TIAM1: variants seen among roughly 807,000 people sequenced by gnomAD.
TIAM1 encodes TIAM Rac1 associated GEF 1, also known as rho guanine nucleotide exchange factor TIAM1.
In TIAM1, 65 loss-of-function variants were observed where a neutral mutation model predicts 163.5. The ratio of observed to expected loss-of-function variants is 0.40; its 90% CI spans 0.33 to 0.49. The LOEUF (loss-of-function observed/expected upper bound fraction) is 0.49, where lower values mean the gene tolerates loss of function less well. TIAM1 is among the 20% of genes least tolerant of loss of function. The probability of loss-of-function intolerance (pLI) is 0.77; values close to 1 mark genes in which losing one functional copy is unlikely to be tolerated. For missense variants in TIAM1, 1,789 were observed against 2,044.7 expected (o/e 0.87, Z 2.41); for synonymous variants, 833 against 810.1 (o/e 1.03, Z -0.48).
chr21:31,524,174 A>G (rs955550589), intron 1 of TIAM1, among the ~76,000 whole-genome samples: 1 of 152,290 alleles, frequency 6.6e-6, no homozygotes. Context: ...GGTAATTTAT[A>G]TAGAAAAGAG....
intron 16 of TIAM1, among the ~76,000 whole-genome samples, 178 bp from the exon 17 acceptor site, chr21:31,154,604 C>T (rs2083532836): frequency 6.6e-6 from 1 of 152,190 alleles, no homozygotes; most frequent in African/African-American, 2.4e-5. Flanking sequence ...TCATAACAAC[C>T]AGGATAACAA....
intron 1 of TIAM1, among the ~76,000 whole-genome samples, chr21:31,523,520 G>A (rs948881775): frequency 1.3e-5 from 2 of 152,144 alleles, no homozygotes; most frequent in Non-Finnish European, 2.9e-5. Context: ...AGACATCAGG[G>A]ATACAGCCTG....
At chr21:31,363,354 T>G (rs2076439227) in intron 2 of TIAM1, among the ~76,000 whole-genome samples, 2 of 152,128 alleles carry the variant, frequency 1.3e-5, no homozygotes, top group African/African-American at 2.4e-5. Flanking sequence ...ACTTTGGCCC[T>G]AAATCAACTT....
At chr21:31,452,837 G>A (rs1052913549) in intron 2 of TIAM1, 49 of 527,332 alleles carry the variant, frequency 9.3e-5, no homozygotes, top group African/African-American at 7.2e-4. Flanking sequence ...ATGACCCTAC[G>A]ATAGTCAAAG....
intron 2 of TIAM1, among the ~76,000 whole-genome samples, chr21:31,426,770 T>C (rs1291926580): frequency 6.6e-6 from 1 of 151,884 alleles, no homozygotes; most frequent in Non-Finnish European, 1.5e-5. Context: ...AGAAAAGTCA[T>C]CAGAACAGCA....
intron 10 of TIAM1, 170 bp downstream of exon 10, chr21:31,213,228 T>C: frequency 1.7e-6 from 1 of 572,678 alleles, no homozygotes; most frequent in Non-Finnish European, 3.0e-6. Context: ...CAGTTTTAAA[T>C]ATAAAATGAT....
Position 31,252,121 on chromosome 21 carries a change from G to T in TIAM1, c.1032C>A (p.Asp344Glu). 6.2e-7 allele frequency: 1 copy of T among 1,612,988 alleles called. No individual in the cohort carries two copies. Among genetic ancestry groups the T allele is most frequent in the South Asian group, 1.1e-5 (1 of 91,092 alleles). The change falls in exon 5 of 28, where the codon GAC becomes GAA. Residue 344 changes from aspartate (D) to glutamate (E), a missense_variant. By Grantham distance (45) the Asp-to-Glu change is conservative. This residue lies in a region of TIAM1 where 555 missense variants were observed against 564.9 expected (regional missense o/e 0.98). Coordinates refer to ENST00000541036, the MANE Select transcript of TIAM1 (RefSeq NM_001353694.2). The part of the protein sequence containing the change: ...SGIEGATTDT[D>E]LLSRRSNATN... The stretch of plus-strand genomic sequence containing the variant: ...TGGCATTAGATCGCCTGGACAGGAG[G>T]TCCGTGTCGGTAGTGGCCCCTTCAA...
At chr21:31,315,679 C>CAAAAAAAAAAAAAAAAAAAAAAAAAA (rs58560437) in intron 2 of TIAM1, among the ~76,000 whole-genome samples, 11 of 80,248 alleles carry the variant, frequency 1.4e-4, no homozygotes, top group African/African-American at 4.0e-4. Context: ...AACTCCATCT[C>CAAAAAAAAAAAAAAAAAAAAAAAAAA]AAAAAAAAAA....
intron 11 of TIAM1, among the ~76,000 whole-genome samples, chr21:31,203,637 ACAG>A (rs1031815058): frequency 1.3e-5 from 2 of 151,744 alleles, no homozygotes; most frequent in Non-Finnish European, 2.9e-5. Context: ...TCAACACAAC[ACAG>A]CAGATCAAAA....
At chr21:31,305,755 G>T (rs1395869684) in intron 2 of TIAM1, among the ~76,000 whole-genome samples, 2 of 152,128 alleles carry the variant, frequency 1.3e-5, no homozygotes, top group Non-Finnish European at 2.9e-5. Flanking sequence ...TTCTAAACAG[G>T]CCTCATTTTT....
At chr21:31,126,793 A>AT (rs890651614) in intron 26 of TIAM1, among the ~76,000 whole-genome samples, 3 of 152,110 alleles carry the variant, frequency 2.0e-5, no homozygotes, top group African/African-American at 7.2e-5. Context: ...ACAACAAGAA[A>AT]TAAGTAGAAG....
rs137917435 is a variant in TIAM1 at position 31,408,937 on chromosome 21, A to T, written c.-369+55046T>A. ...CTTCCAGGTGGCTGTGATGCAACACACTTTGAGTGCCACCGCTCTCAGCCA... is the reference window on the plus strand; with the variant it reads ...CTTCCAGGTGGCTGTGATGCAACACTCTTTGAGTGCCACCGCTCTCAGCCA... On this transcript the variant is annotated intron_variant, in intron 2 of 28. Coordinates refer to the TIAM1 transcript ENST00000286827. Among the ~76,000 whole-genome samples the T allele has an allele frequency of 3.8e-3, 578 of 152,132 alleles. 5 individuals carry two copies. Among genetic ancestry groups the T allele is most frequent in the African/African-American group, 0.013 (551 of 41,504 alleles).
chr21:31,118,823 C>T lies in TIAM1; in HGVS notation c.*1545G>A, dbSNP rs751978895. 2 of 353,482 alleles carry T rather than the reference C, an allele frequency of 5.7e-6. No individual in the cohort carries two copies. The highest frequency in any genetic ancestry group is 1.1e-5 in the Non-Finnish European group (2 of 180,172). 21.9% of individuals were successfully genotyped at this position (353,482 alleles called of 1,614,324 possible). A position where few individuals can be genotyped will look rare whatever the true frequency, so the allele number is the denominator to read the frequency against. Reference sequence around the variant, plus strand: ...GATCAAGCTCGAAGCCCTGGAAACCCGAAAGGCGGGGGGAATACAGGGTGG... The same window carrying T: ...GATCAAGCTCGAAGCCCTGGAAACCTGAAAGGCGGGGGGAATACAGGGTGG... On this transcript the variant is annotated 3_prime_UTR_variant, in exon 28 of 28. Transcript: ENST00000541036.
At chr21:31,404,864 C>A (rs771674001) in intron 2 of TIAM1, among the ~76,000 whole-genome samples, 25 of 152,140 alleles carry the variant, frequency 1.6e-4, no homozygotes, top group Non-Finnish European at 4.4e-5. Context: ...ACACTCATGA[C>A]ATTTATCATT....
At chr21:31,273,312 A>C (rs540911094) in intron 3 of TIAM1, among the ~76,000 whole-genome samples, 2 of 152,102 alleles carry the variant, frequency 1.3e-5, no homozygotes, top group Admixed American at 6.5e-5. Flanking sequence ...GAGATCTTAG[A>C]GAAAAGAGAA....
intron 14 of TIAM1, among the ~76,000 whole-genome samples, chr21:31,186,264 T>G (rs915047855): frequency 6.6e-6 from 1 of 152,216 alleles, no homozygotes; most frequent in African/African-American, 2.4e-5. Context: ...TTCTCAACTT[T>G]CGCAGATTCT....
chr21:31,223,671 A>G (rs1569059262), intron 7 of TIAM1, 80 bp from the exon 8 acceptor site: 2 of 1,382,474 alleles, frequency 1.4e-6, no homozygotes, highest in Non-Finnish European at 1.9e-6. Context: ...ATACAGATCT[A>G]TATGTCGTAA....
At chr21:31,171,263 T>C (rs2084501917) in intron 15 of TIAM1, among the ~76,000 whole-genome samples, 1 of 152,158 alleles carries the variant, frequency 6.6e-6, no homozygotes. Flanking sequence ...GCCCAAACTG[T>C]AAATCTTTTA....
At chr21:31,158,089 A>C (rs1274478407) in intron 16 of TIAM1, among the ~76,000 whole-genome samples, 1 of 152,198 alleles carries the variant, frequency 6.6e-6, no homozygotes, top group Non-Finnish European at 1.5e-5. Flanking sequence ...GACTTGGTCT[A>C]TGTAAGTTTA....
Sources: allele counts gnomAD v4.1 joint callset (sites outside exome capture counted in the v4.1 genomes callset), GRCh38; gene constraint gnomAD v4.1.1; regional missense constraint gnomAD v4.1.1; transcripts MANE v1.5; gene names NCBI Gene and HGNC (gene_info 2026-07-23, HGNC 2026-07-21).